Variants in PDE4A observed in about 807,000 individuals in gnomAD.
PDE4A encodes the protein phosphodiesterase 4A, also known as 3',5'-cyclic-AMP phosphodiesterase 4A.
PDE4A carries 21 observed loss-of-function variants against 73.9 expected under a neutral mutation model. The observed-to-expected ratio is 0.28, with a 90% CI of 0.20 to 0.41. The LOEUF (loss-of-function observed/expected upper bound fraction) is 0.41. Ranked by LOEUF, PDE4A falls within the 10% of genes least tolerant of loss-of-function variation. The probability of loss-of-function intolerance (pLI) is 1.00; values close to 1 mark genes in which losing one functional copy is unlikely to be tolerated. For synonymous variants in PDE4A, 463 were observed against 505.4 expected (o/e 0.92, Z 1.13); for missense variants, 958 against 1,211.4 (o/e 0.79, Z 3.10).
chr19:10,419,257 C>G (rs2042618055), upstream of PDE4A, among the ~76,000 whole-genome samples: 1 of 119,880 alleles, frequency 8.3e-6, no homozygotes. Flanking sequence ...CACGCGGGCG[C>G]GTGCACTCCC....
In PDE4A at chr19:10,453,855, T is replaced by C. The variant is rs1194335464; in HGVS notation, c.784-974T>C. ...ATTTTGTGGGTCCATCTTGTGTGGA[T>C]GTGTGTGTCTCTGTACCCAGGGTCT... On this transcript the variant is annotated intron_variant, in intron 6 of 14. Coordinates refer to ENST00000380702, the MANE Select transcript of PDE4A (RefSeq NM_001111307.2). The surrounding 1 kb of genome is among the most constrained non-coding windows in gnomAD (Gnocchi z 4.6). 6.6e-6 allele frequency among the ~76,000 whole-genome samples: 1 copy of C among 152,010 alleles called. No individual in the cohort carries two copies. The highest frequency in any genetic ancestry group is 1.9e-4 in the East Asian group (1 of 5,192).
At chr19:10,417,790 C>T, upstream of PDE4A, 1 of 1,559,436 alleles carries the variant, frequency 6.4e-7, no homozygotes, top group South Asian at 1.2e-5. Flanking sequence ...CCTGGGGTCC[C>T]TCTGCCGCCA....
At chr19:10,443,858 T>G (rs2042969471) in intron 1 of PDE4A, among the ~76,000 whole-genome samples, 1 of 150,254 alleles carries the variant, frequency 6.7e-6, no homozygotes, top group Non-Finnish European at 1.5e-5. Flanking sequence ...AATACAAAAA[T>G]TAGCCAGGTG....
intron 6 of PDE4A, chr19:10,454,598 C>G: frequency 4.7e-6 from 1 of 214,288 alleles, no homozygotes; most frequent in Non-Finnish European, 8.0e-6. Flanking sequence ...TTTCCTCAGG[C>G]AGGGAGGGTT....
At chr19:10,441,072 C>T (rs576044768) in intron 1 of PDE4A, among the ~76,000 whole-genome samples, 1 of 151,902 alleles carries the variant, frequency 6.6e-6, no homozygotes, top group Non-Finnish European at 1.5e-5. Flanking sequence ...CCTCTGTCGT[C>T]CAGGCTGGAG....
rs1242305630 is a variant in PDE4A, at chr19:10,453,322, G to A, written c.784-1507G>A. 1 of 1,613,332 alleles carries A rather than the reference G, an allele frequency of 6.2e-7. No individual in the cohort carries two copies. The highest frequency in any genetic ancestry group is 8.5e-7 in the Non-Finnish European group (1 of 1,179,744). On this transcript the variant is annotated intron_variant, in intron 6 of 14. Transcript: ENST00000380702. The surrounding 1 kb of genome is among the most constrained non-coding windows in gnomAD (Gnocchi z 4.6). Reference sequence around the variant, plus strand: ...TCTAAGCCTTGGCTGGTGGGCTGGTGGGACCAGGTAGGAGAGTGCAGGGTA... The same window carrying A: ...TCTAAGCCTTGGCTGGTGGGCTGGTAGGACCAGGTAGGAGAGTGCAGGGTA...
intron 6 of PDE4A, among the ~76,000 whole-genome samples, chr19:10,454,195 C>G (rs1449900545): frequency 6.6e-6 from 1 of 152,130 alleles, no homozygotes; most frequent in Non-Finnish European, 1.5e-5. Flanking sequence ...ACCCCCCTCC[C>G]CCTCCCCTGG....
At chr19:10,434,617 G>A (rs932571299) in intron 1 of PDE4A, among the ~76,000 whole-genome samples, 2 of 151,478 alleles carry the variant, frequency 1.3e-5, no homozygotes, top group African/African-American at 4.9e-5. Flanking sequence ...TTGAGATGGA[G>A]TCTCACTCTG....
Position 10,468,925 on chromosome 19 carries a change from G to C in PDE4A, c.*1304G>C, listed in dbSNP as rs1276975462. 2 of 152,774 alleles carry C rather than the reference G, an allele frequency of 1.3e-5. No homozygotes were observed. The highest frequency in any genetic ancestry group is 4.8e-5 in the African/African-American group (2 of 41,302). The allele number at this position is 152,774 out of a possible 1,614,324, so 9.5% of individuals were successfully genotyped here. A position where few individuals can be genotyped will look rare whatever the true frequency, so the allele number is the denominator to read the frequency against. On this transcript the variant is annotated 3_prime_UTR_variant, in exon 15 of 15. Coordinates refer to ENST00000380702, the MANE Select transcript of PDE4A (RefSeq NM_001111307.2). The stretch of plus-strand genomic sequence containing the variant: ...TCTCTCCCTCCTCCCCTCGCCCTCG[G>C]CCTGGTTCTGCAGCTGGACCGACCT...
intron 1 of PDE4A, chr19:10,432,286 C>T (rs2042803522): frequency 8.9e-7 from 1 of 1,119,402 alleles, no homozygotes; most frequent in Non-Finnish European, 1.1e-6. Context: ...AACGCTCGAC[C>T]GCCCGGGGCT....
At chr19:10,451,242 A>G in intron 6 of PDE4A, among the ~76,000 whole-genome samples, 1 of 150,848 alleles carries the variant, frequency 6.6e-6, no homozygotes, top group Non-Finnish European at 1.5e-5. Context: ...GGTCTATGGT[A>G]TGGGGTCAGT....
chr19:10,432,385 C>G (rs1321040804), intron 1 of PDE4A: 4 of 1,339,232 alleles, frequency 3.0e-6, no homozygotes, highest in Non-Finnish European at 3.8e-6. Flanking sequence ...GCGCGCCACA[C>G]CGCCCTGCCG....
upstream of PDE4A, chr19:10,417,733 TCTCGTC>T (rs1173394940): frequency 1.9e-6 from 3 of 1,588,078 alleles, no homozygotes; most frequent in African/African-American, 4.0e-5. Flanking sequence ...CGCCGCCGCC[TCTCGTC>T]CGGTCCTGGC....
chr19:10,427,905 G>A (rs537372132), intron 1 of PDE4A: 22 of 968,586 alleles, frequency 2.3e-5, no homozygotes, highest in Middle Eastern at 5.3e-4. Context: ...AGAGGGAGGC[G>A]GATCACTTGA....
chr19:10,463,175 C>T (rs955935907), intron 13 of PDE4A, among the ~76,000 whole-genome samples: 8 of 151,794 alleles, frequency 5.3e-5, no homozygotes, highest in African/African-American at 1.5e-4. Context: ...CTGCAAACTC[C>T]GCCTCCTGGG....
intron 1 of PDE4A, chr19:10,430,949 C>CCCGCGCGCGCCCCG (rs1568366713): frequency 8.4e-5 from 128 of 1,529,208 alleles, no homozygotes; most frequent in Non-Finnish European, 1.1e-4. Context: ...AGCCCCTGGC[C>CCCGCGCGCGCCCCG]CCGCGCGCGC....
In PDE4A at chr19:10,430,665, G is replaced by C. The variant is rs930874698; in HGVS notation, c.320+9581G>C. On this transcript the variant is annotated intron_variant, in intron 1 of 14. Transcript: ENST00000380702. The stretch of plus-strand genomic sequence containing the variant: ...CTGCGGGAGAGTCCCCACCAGAGCC[G>C]TGCGGGCGCCCCAGACCCGCCCCGC... Among the ~76,000 whole-genome samples, 18 of 151,712 alleles carry C rather than the reference G, an allele frequency of 1.2e-4. No homozygotes were observed. In the South Asian group the frequency reaches 3.1e-3, roughly 26 times the overall value.
In PDE4A at chr19:10,446,485, CG is replaced by C. The variant is rs1568374632; in HGVS notation, c.512+82del. On this transcript the variant is annotated intron_variant, in intron 2 of 14. Transcript: ENST00000380702. ...GAAGCTGCCCTTCCCAGCAGGGAGT[CG>C]GGGGGCACCCACCCCTATCCTCCTC... is the stretch of plus-strand genomic sequence containing the variant. The C allele has an allele frequency of 9.8e-6, 15 of 1,523,386 alleles. No individual in the cohort carries two copies. The South Asian group carries it at 1.1e-4, about 12-fold the overall frequency. 94.4% of individuals were successfully genotyped at this position (1,523,386 alleles called of 1,614,324 possible).
rs990997403 is a variant in PDE4A, at chr19:10,467,848, C to T, written c.*227C>T. The T allele has an allele frequency of 4.1e-5, 16 of 392,604 alleles. No individual in the cohort carries two copies. In the Admixed American group the frequency reaches 6.6e-4, roughly 16 times the overall value. The allele number at this position is 392,604 out of a possible 1,614,324, so 24.3% of individuals were successfully genotyped here. A position where few individuals can be genotyped will look rare whatever the true frequency, so the allele number is the denominator to read the frequency against. On this transcript the variant is annotated 3_prime_UTR_variant, in exon 15 of 15. Coordinates refer to ENST00000380702, the MANE Select transcript of PDE4A (RefSeq NM_001111307.2). ...GCTGGGGAATGAGGGGCTGAGGTCC[C>T]GGAAGGGATTTTATTTTTTTGAATT... is the stretch of plus-strand genomic sequence containing the variant.
Sources: allele counts gnomAD v4.1 joint callset (sites outside exome capture counted in the v4.1 genomes callset), GRCh38; gene constraint gnomAD v4.1.1; non-coding constraint Gnocchi (gnomAD v3.1); transcripts MANE v1.5; gene names NCBI Gene and HGNC (gene_info 2026-07-23, HGNC 2026-07-21).